PSD3: variants seen among roughly 807,000 people sequenced by gnomAD.
PSD3 encodes the protein PH and SEC7 domain-containing protein 3.
In PSD3, 49 loss-of-function variants were observed where a neutral mutation model predicts 105.5. The observed-to-expected ratio is 0.46, with a 90% confidence interval of 0.37 to 0.59. The LOEUF (loss-of-function observed/expected upper bound fraction) is 0.59. Ranked by LOEUF, PSD3 falls within the 20% of genes least tolerant of loss-of-function variation. PSD3 has a pLI of 0.00. For synonymous variants in PSD3, 557 were observed against 457.8 expected, an observed-to-expected ratio of 1.22 and a Z score of -2.77; for missense variants, 1,561 against 1,263.8, an observed-to-expected ratio of 1.24 and a Z score of -3.57.
At chr8:18,580,575 C>A (rs1802750319) in intron 12 of PSD3, among the ~76,000 whole-genome samples, 1 of 151,844 alleles carries the variant, frequency 6.6e-6, no homozygotes, top group Non-Finnish European at 1.5e-5. Context: ...AAACAAGCCC[C>A]CAAAACAAAA....
chr8:18,654,347 T>A (rs1808732686), intron 10 of PSD3, among the ~76,000 whole-genome samples: 1 of 152,206 alleles, frequency 6.6e-6, no homozygotes, highest in African/African-American at 2.4e-5. Flanking sequence ...TCCCAAGTTA[T>A]GATTCTGTAA....
intron 1 of PSD3, among the ~76,000 whole-genome samples, chr8:18,995,005 T>G (rs1040267668): frequency 6.6e-6 from 1 of 151,840 alleles, no homozygotes; most frequent in African/African-American, 2.4e-5. Flanking sequence ...CATTAGCCAG[T>G]GGTGACTTTC....
chr8:18,632,846 T>C (rs2306824), intron 10 of PSD3, 40 bp from the exon 11 acceptor site: 103,613 of 1,407,188 alleles, frequency 0.074, 5,415 homozygotes, highest in East Asian at 0.23. Context: ...CAAGCACCTA[T>C]CATAATATTC....
At chr8:18,657,693 T>C (rs1417573617) in intron 9 of PSD3, among the ~76,000 whole-genome samples, 1 of 152,228 alleles carries the variant, frequency 6.6e-6, no homozygotes, top group Non-Finnish European at 1.5e-5. Flanking sequence ...AGGAGGGCTT[T>C]CGTTGGATAA....
intron 10 of PSD3, among the ~76,000 whole-genome samples, chr8:18,654,854 T>C (rs1356920811): frequency 2.0e-5 from 3 of 152,156 alleles, no homozygotes; most frequent in Non-Finnish European, 4.4e-5. Flanking sequence ...GTGCTTAGTA[T>C]CTATCAGTGT....
rs769167031 is a variant in PSD3, at chr8:18,872,689, C to T, written c.175G>A (p.Glu59Lys). ...TCCATGGTCCCATATTCTGGAAATT[C>T]ATTTGTGACATTTGGTGGGAGTAAA... The part of the protein sequence containing the change: ...STLLPPNVTN[E>K]FPEYGTMEEG... Residue 59 changes from glutamate (E) to lysine (K), a missense_variant, in exon 3 of 16, where the codon GAA becomes AAA. By Grantham distance (56) the Glu-to-Lys change is moderately conservative. Coordinates refer to ENST00000327040, the MANE Select transcript of PSD3 (RefSeq NM_015310.4). 9 of 1,586,240 alleles carry T rather than the reference C, an allele frequency of 5.7e-6. No homozygotes were observed. The highest frequency in any genetic ancestry group is 3.7e-5 in the Admixed American group (2 of 54,644).
At chr8:19,027,425 C>T (rs1036335512) in intron 1 of PSD3, among the ~76,000 whole-genome samples, 3 of 152,036 alleles carry the variant, frequency 2.0e-5, no homozygotes, top group Admixed American at 1.3e-4. Context: ...AAATTTTTGC[C>T]TTCAAAATCA....
At chr8:18,605,534 C>T (rs1451033694) in intron 11 of PSD3, among the ~76,000 whole-genome samples, 1 of 152,044 alleles carries the variant, frequency 6.6e-6, no homozygotes. Context: ...CTTTGGATTT[C>T]TGAGTTAATG....
chr8:18,960,869 G>C (rs1334209060), intron 1 of PSD3, among the ~76,000 whole-genome samples: 1 of 152,090 alleles, frequency 6.6e-6, no homozygotes, highest in Non-Finnish European at 1.5e-5. Flanking sequence ...CAGATCACTT[G>C]AGCACAGGAG....
chr8:18,619,717 T>A (rs1476673107), intron 11 of PSD3, among the ~76,000 whole-genome samples: 1 of 152,038 alleles, frequency 6.6e-6, no homozygotes, highest in Non-Finnish European at 1.5e-5. Context: ...CCATAAAATT[T>A]CACTAAATGG....
At chr8:18,725,906 AG>A (rs1803306341) in intron 9 of PSD3, among the ~76,000 whole-genome samples, 1 of 152,244 alleles carries the variant, frequency 6.6e-6, no homozygotes, top group Non-Finnish European at 1.5e-5. Flanking sequence ...GCCAAGCTGT[AG>A]CCAGGCAATG....
chr8:18,918,436 C>T lies in PSD3; in HGVS notation c.130+17598G>A, dbSNP rs149936040. ...AGCAGGTATCATCCTGTGTCAGAAT[C>T]ATGTTATTACTTGCCTGTTTCTCCA... is the stretch of plus-strand genomic sequence containing the variant. On this transcript the variant is annotated intron_variant, in intron 2 of 15. Transcript: ENST00000327040. 4.2e-3 allele frequency among the ~76,000 whole-genome samples: 646 copies of T among 152,326 alleles called. 1 individual carries two copies. Among genetic ancestry groups the T allele is most frequent in the Admixed American group, 7.0e-3 (107 of 15,304 alleles).
chr8:18,687,278 A>G (rs1208335477), intron 9 of PSD3, among the ~76,000 whole-genome samples: 1 of 152,064 alleles, frequency 6.6e-6, no homozygotes, highest in East Asian at 1.9e-4. Context: ...AACCTGGGCA[A>G]AACAGTGAAA....
At chr8:18,807,350 T>G (rs1267052339) in intron 4 of PSD3, among the ~76,000 whole-genome samples, 3 of 152,128 alleles carry the variant, frequency 2.0e-5, no homozygotes, top group Non-Finnish European at 4.4e-5. Context: ...TAACTGTCCT[T>G]AGCAACTCTT....
chr8:18,584,520 G>C (rs1375184339), intron 12 of PSD3, among the ~76,000 whole-genome samples: 1 of 152,174 alleles, frequency 6.6e-6, no homozygotes. Flanking sequence ...TTAAAAAATG[G>C]GAACAGTATC....
At chr8:19,026,502 T>C (rs568180119) in intron 1 of PSD3, among the ~76,000 whole-genome samples, 10 of 152,010 alleles carry the variant, frequency 6.6e-5, no homozygotes, top group Non-Finnish European at 8.8e-5. Context: ...CAACACTTTA[T>C]TTATATATTT....
At chr8:18,602,684 T>G (rs1438017607) in intron 11 of PSD3, among the ~76,000 whole-genome samples, 2 of 151,820 alleles carry the variant, frequency 1.3e-5, no homozygotes. Context: ...GACAGATGGG[T>G]GCAATCAAGC....
intron 9 of PSD3, among the ~76,000 whole-genome samples, chr8:18,681,075 T>C (rs983274220): frequency 6.6e-6 from 1 of 152,104 alleles, no homozygotes; most frequent in African/African-American, 2.4e-5. Flanking sequence ...TAATTCCAAC[T>C]CTGACAAGGA....
At chr8:19,051,444 T>C (rs866861170) in intron 1 of PSD3, among the ~76,000 whole-genome samples, 3 of 152,216 alleles carry the variant, frequency 2.0e-5, no homozygotes, top group South Asian at 2.1e-4. Flanking sequence ...TGAATGCAGT[T>C]TCTTAGGGTG....
Sources: allele counts gnomAD v4.1 joint callset (sites outside exome capture counted in the v4.1 genomes callset), GRCh38; gene constraint gnomAD v4.1.1; transcripts MANE v1.5; gene names NCBI Gene and HGNC (gene_info 2026-07-23, HGNC 2026-07-21).